Variants in RTN2 observed in about 807,000 individuals in gnomAD.
The protein encoded by RTN2 is reticulon 2, also known as reticulon-2.
RTN2 carries 36 observed loss-of-function variants against 63.7 expected under a neutral mutation model. The observed-to-expected ratio is 0.56, with a 90% confidence interval of 0.43 to 0.75. RTN2 has a LOEUF of 0.75. Among genes scored for constraint, RTN2 ranks in the 30% least tolerant of loss-of-function variants. RTN2 has a pLI of 0.00. For synonymous variants in RTN2, 312 were observed against 313.0 expected, an observed-to-expected ratio of 1.00 and a Z score of 0.03; for missense variants, 673 against 705.1, an observed-to-expected ratio of 0.95 and a Z score of 0.52.
At chr19:45,492,915 T>G (rs1044410468) in intron 5 of RTN2, among the ~76,000 whole-genome samples, 1 of 151,980 alleles carries the variant, frequency 6.6e-6, no homozygotes, top group Non-Finnish European at 1.5e-5. Context: ...CAGCGCTGCC[T>G]GGGGCCGAGG....
rs751685341 is a variant in RTN2 at position 45,489,469 on chromosome 19, T to C, written c.1118A>G (p.His373Arg). The C allele has an allele frequency of 5.0e-6, 8 of 1,612,648 alleles. No homozygotes were observed. In the East Asian group the frequency reaches 1.3e-4, roughly 27 times the overall value. The change falls in exon 6 of 11, where the codon CAC (histidine) becomes CGC (arginine). Residue 373 changes from histidine (H) to arginine (R), a missense_variant. By Grantham distance (29) the His-to-Arg change is conservative. Transcript: ENST00000245923. ...CGCGGCCACGGACACGATGCTAAAG[T>C]GCAGGAGGCAGAGGAGGGAGACCAT... is the stretch of plus-strand genomic sequence containing the variant. ...GLMVSLLCLL[H>R]FSIVSVAAHL...
Position 45,488,990 on chromosome 19 carries a change from CG to C in RTN2, c.1242-5del. On this transcript the variant is annotated splice_polypyrimidine_tract_variant and splice_region_variant and intron_variant, in intron 6 of 10. Transcript: ENST00000245923. ...GAGGTCCACATCCAGGTAGGCCCTG[CG>C]GGGACAAAGGAGTGTGGGGCGACTC... 6.2e-7 allele frequency: 1 copy of C among 1,609,748 alleles called. No homozygotes were observed.
At chr19:45,485,896 A>G (rs1474032877) in intron 10 of RTN2, 107 bp from the exon 11 acceptor site, 1 of 1,178,540 alleles carries the variant, frequency 8.5e-7, no homozygotes, top group Non-Finnish European at 1.3e-6. Context: ...GCCCGAAGCC[A>G]GCTCCTGCCC....
In RTN2 at chr19:45,494,059, T is replaced by G. The variant is rs1001288296; in HGVS notation, c.814+107A>C. ...TGTGATATCACGTCTATCTCTTCCC[T>G]TTTCCACTATGTACTGTTCCTTTGC... On this transcript the variant is annotated intron_variant, in intron 4 of 10. Transcript: ENST00000245923. The surrounding 1 kb of genome is among the most constrained non-coding windows in gnomAD (Gnocchi z 5.3). The G allele has an allele frequency of 6.8e-7, 1 of 1,467,530 alleles. No homozygotes were observed. Among genetic ancestry groups the G allele is most frequent in the Non-Finnish European group, 9.1e-7 (1 of 1,093,234 alleles). 90.9% of individuals were successfully genotyped at this position (1,467,530 alleles called of 1,614,324 possible).
intron 9 of RTN2, among the ~76,000 whole-genome samples, chr19:45,486,975 T>TCC (rs151093939): frequency 0.2 from 29,361 of 144,696 alleles, 3,154 homozygotes; most frequent in East Asian, 0.27. Context: ...CCTCAAGTGA[T>TCC]CCGCCTGCCT....
intron 9 of RTN2, among the ~76,000 whole-genome samples, chr19:45,486,833 C>G (rs1394744668): frequency 6.8e-6 from 1 of 146,260 alleles, no homozygotes; most frequent in South Asian, 2.2e-4. Context: ...CTCCCGGGTT[C>G]AAGCGATTCT....
At chr19:45,486,732 C>CTTTTT (rs780069708) in intron 9 of RTN2, among the ~76,000 whole-genome samples, 4 of 121,776 alleles carry the variant, frequency 3.3e-5, no homozygotes, top group South Asian at 2.6e-4. Flanking sequence ...CTTTTTCTTT[C>CTTTTT]TTTCTTTTTT....
Position 45,493,288 on chromosome 19 carries a change from G to T in RTN2, c.905C>A (p.Ala302Asp), listed in dbSNP as rs559427117. 80 of 1,612,816 alleles carry T rather than the reference G, an allele frequency of 5.0e-5. No individual in the cohort carries two copies. The highest frequency in any genetic ancestry group is 6.7e-5 in the Non-Finnish European group (79 of 1,179,544). The change falls in exon 5 of 11, where the codon GCC (alanine) becomes GAC (aspartate). Residue 302 changes from alanine to aspartate, a missense_variant. Coordinates refer to ENST00000245923, the MANE Select transcript of RTN2 (RefSeq NM_005619.5). ...GGGGCCCCTTTGGACCCAGCCAATG[G>T]CTGTCCACAGAGGTGGGGACAATTC... ...ILELSPPLWT[A>D]IGWVQRGPTP...
At chr19:45,493,917 T>G in intron 4 of RTN2, 1 of 493,016 alleles carries the variant, frequency 2.0e-6, no homozygotes, top group South Asian at 2.1e-5. Context: ...CTCGAACTCC[T>G]CACCTCAAGT....
chr19:45,485,947 T>G (rs1968011431), intron 10 of RTN2, 108 bp downstream of exon 10: 1 of 1,290,072 alleles, frequency 7.8e-7, no homozygotes, highest in Non-Finnish European at 1.1e-6. Context: ...CCTCAGCCTT[T>G]TCAAGGGGAC....
chr19:45,485,703 C>G lies in RTN2; in HGVS notation c.*5G>C. The G allele has an allele frequency of 1.2e-6, 2 of 1,612,934 alleles. No homozygotes were observed. The highest frequency in any genetic ancestry group is 1.7e-6 in the Non-Finnish European group (2 of 1,179,194). On this transcript the variant is annotated 3_prime_UTR_variant, in exon 11 of 11. Transcript: ENST00000245923. ...GCAGGCGTCCTGCGGGCAGAGACAC[C>G]GTTCTCATTCGGCTTTGGCTTTGGA...
chr19:45,495,555 A>T (rs1415402528), intron 1 of RTN2, among the ~76,000 whole-genome samples: 3 of 152,200 alleles, frequency 2.0e-5, no homozygotes, highest in African/African-American at 7.2e-5. Flanking sequence ...CATAGGGAGC[A>T]AAGTAAAGAA....
chr19:45,493,387 G>A lies in RTN2; in HGVS notation c.815-9C>T. 1 of 1,598,532 alleles carries A rather than the reference G, an allele frequency of 6.3e-7. No homozygotes were observed. Among genetic ancestry groups the A allele is most frequent in the Non-Finnish European group, 8.5e-7 (1 of 1,171,196 alleles). ...CCATTCCATAGCTGTTCCTGGAGGC[G>A]GAGCATATTTTAAAGTAAGGCTGGG... On this transcript the variant is annotated splice_polypyrimidine_tract_variant and intron_variant, in intron 4 of 10. Coordinates refer to ENST00000245923, the MANE Select transcript of RTN2 (RefSeq NM_005619.5).
intron 5 of RTN2, among the ~76,000 whole-genome samples, chr19:45,491,924 C>T (rs73049953): frequency 6.9e-4 from 105 of 152,012 alleles, no homozygotes; most frequent in East Asian, 3.7e-3. Flanking sequence ...CCACCGCGCT[C>T]GGTCATATAT....
At position 45,494,473 on chromosome 19, in the gene RTN2, G is replaced by C; in HGVS notation, c.559+53C>G. 6.2e-7 allele frequency: 1 copy of C among 1,603,880 alleles called. No individual in the cohort carries two copies. The highest frequency in any genetic ancestry group is 2.2e-5 in the East Asian group (1 of 44,704). On this transcript the variant is annotated intron_variant, in intron 3 of 10. Coordinates refer to ENST00000245923, the MANE Select transcript of RTN2 (RefSeq NM_005619.5). The surrounding 1 kb of genome is among the most constrained non-coding windows in gnomAD (Gnocchi z 5.3). ...AGCTTTCTTCTTGGAGGTGCCCCAA[G>C]GAGAAACCACCCACCCCTCTTGGCT...
Position 45,494,578 on chromosome 19 carries a change from T to C in RTN2, c.507A>G (p.Glu169=). 6.2e-7 allele frequency: 1 copy of C among 1,614,116 alleles called. No homozygotes were observed. The highest frequency in any genetic ancestry group is 1.3e-5 in the African/African-American group (1 of 75,054). Residue 169 remains glutamate, a synonymous_variant, in exon 3 of 11, where the codon GAA becomes GAG. Transcript: ENST00000245923. This position sits in a 1 kb window ranked among gnomAD's most constrained non-coding sequence, Gnocchi z 5.3. ...TGTTGGGTTCTTGGGGTTCTTCGTC[T>C]TCCAGCGGGGTGGAGCTGCTGGTGG... ...DSSTSSSTPL[E]DEEPQEPNRL... is the part of the protein sequence containing the mutation.
Position 45,493,294 on chromosome 19 carries a change from C to T in RTN2, c.899G>A (p.Trp300Ter), listed in dbSNP as rs1017507750. 1.2e-6 allele frequency: 2 copies of T among 1,612,690 alleles called. No individual in the cohort carries two copies. Among genetic ancestry groups the T allele is most frequent in the Middle Eastern group, 1.7e-4 (1 of 6,050 alleles). The part of the protein sequence containing the change: ...VPILELSPPL[W>*]TAIGWVQRGP... Reference sequence around the variant, plus strand: ...CCTTTGGACCCAGCCAATGGCTGTCCACAGAGGTGGGGACAATTCCAAAAT... The same window carrying T: ...CCTTTGGACCCAGCCAATGGCTGTCTACAGAGGTGGGGACAATTCCAAAAT... The change falls in exon 5 of 11, where the codon TGG becomes TAG. Residue 300 changes from tryptophan (W) to a stop codon, truncating the protein, a stop_gained. Transcript: ENST00000245923. LOFTEE classifies it high-confidence loss of function.
At position 45,489,462 on chromosome 19, in the gene RTN2, G is replaced by A. The variant is rs1257227083; in HGVS notation, c.1125C>T (p.Ser375=). 3.7e-6 allele frequency: 6 copies of A among 1,612,882 alleles called. No individual in the cohort carries two copies. In the Admixed American group the frequency reaches 5.0e-5, roughly 13 times the overall value. The part of the protein sequence containing the change: ...MVSLLCLLHF[S]IVSVAAHLAL... ...CCAAGTGCGCGGCCACGGACACGAT[G>A]CTAAAGTGCAGGAGGCAGAGGAGGG... The change falls in exon 6 of 11, where the codon AGC becomes AGT. Residue 375 remains serine (S), a synonymous_variant. Coordinates refer to ENST00000245923, the MANE Select transcript of RTN2 (RefSeq NM_005619.5).
chr19:45,487,210 G>GT (rs1364822471), intron 9 of RTN2, among the ~76,000 whole-genome samples: 2 of 151,636 alleles, frequency 1.3e-5, no homozygotes, highest in African/African-American at 4.8e-5. Flanking sequence ...CACCTGGCTA[G>GT]TTTTTAACCT....
Sources: gnomAD v4.1 joint callset for allele counts (sites outside exome capture counted in the v4.1 genomes callset) on GRCh38, gnomAD v4.1.1 for gene constraint, Gnocchi (gnomAD v3.1) non-coding constraint, MANE v1.5 for transcripts, NCBI Gene and HGNC (gene_info 2026-07-23, HGNC 2026-07-21) for gene names.